The following TAFA2 variants were observed in gnomAD, a reference collection of about 807,000 sequenced individuals.
The protein encoded by TAFA2 is chemokine-like protein TAFA-2.
In TAFA2, 7 loss-of-function variants were observed where a neutral mutation model predicts 18.8. The observed-to-expected ratio is 0.37, with a 90% CI of 0.21 to 0.70. The LOEUF is 0.70. Among genes scored for constraint, TAFA2 ranks in the 30% least tolerant of loss-of-function variants. TAFA2 has a pLI of 0.53. For synonymous variants in TAFA2, 60 were observed against 54.2 expected (o/e 1.11, Z -0.47); for missense variants, 122 against 158.1 (o/e 0.77, Z 1.23).
chr12:61,981,134 A>G lies in TAFA2; in HGVS notation c.-1-113708T>C, dbSNP rs912733498. ...TATATAGATGAATGGAACAGAACAG[A>G]GGCCTCAGAAATAACACCGCACATC... is the stretch of plus-strand genomic sequence containing the variant. On this transcript the variant is annotated intron_variant, in intron 1 of 4. Transcript: ENST00000416284. Among the ~76,000 whole-genome samples the G allele has an allele frequency of 2.0e-5, 3 of 152,210 alleles. No individual in the cohort carries two copies. In the East Asian group the frequency reaches 5.8e-4, roughly 29 times the overall value.
chr12:62,113,540 C>T (rs1869828109), intron 1 of TAFA2, among the ~76,000 whole-genome samples: 1 of 152,180 alleles, frequency 6.6e-6, no homozygotes, highest in Non-Finnish European at 1.5e-5. Flanking sequence ...AGATCCACTG[C>T]TCTTCTGAGC....
At chr12:62,108,054 G>C (rs1484122425) in intron 1 of TAFA2, among the ~76,000 whole-genome samples, 1 of 151,918 alleles carries the variant, frequency 6.6e-6, no homozygotes, top group Admixed American at 6.6e-5. Flanking sequence ...TTCTTACGTA[G>C]GTATACACGT....
intron 1 of TAFA2, among the ~76,000 whole-genome samples, chr12:62,226,518 C>T (rs1425222412): frequency 6.6e-6 from 1 of 152,140 alleles, no homozygotes; most frequent in African/African-American, 2.4e-5. Context: ...TTTAAGCAAT[C>T]TCATTCCACT....
chr12:62,178,361 T>C (rs952829039), intron 1 of TAFA2, among the ~76,000 whole-genome samples: 3 of 152,098 alleles, frequency 2.0e-5, no homozygotes, highest in African/African-American at 7.2e-5. Flanking sequence ...GTCAGGAGTA[T>C]AAAAGGTCAC....
intron 1 of TAFA2, among the ~76,000 whole-genome samples, chr12:62,065,910 A>G (rs1882473937): frequency 6.6e-6 from 1 of 152,006 alleles, no homozygotes; most frequent in Non-Finnish European, 1.5e-5. Context: ...CACTTTATAA[A>G]AAAGCTGGTT....
chr12:61,723,107 A>T (rs2120608772), intron 4 of TAFA2, among the ~76,000 whole-genome samples: 1 of 152,190 alleles, frequency 6.6e-6, no homozygotes. Context: ...TGTTTGTTTT[A>T]GCTTTGCCTA....
intron 1 of TAFA2, among the ~76,000 whole-genome samples, chr12:62,004,895 A>G (rs1050184067): frequency 1.3e-5 from 2 of 152,110 alleles, no homozygotes; most frequent in Non-Finnish European, 2.9e-5. Flanking sequence ...ATGAACCTAG[A>G]GAACATCACG....
chr12:62,217,138 T>C (rs1029606892), intron 1 of TAFA2, among the ~76,000 whole-genome samples: 1 of 152,202 alleles, frequency 6.6e-6, no homozygotes, highest in African/African-American at 2.4e-5. Context: ...AAATACTGCT[T>C]TTACCCACCC....
chr12:61,828,718 T>C (rs1168013100), intron 2 of TAFA2, among the ~76,000 whole-genome samples: 4 of 151,878 alleles, frequency 2.6e-5, no homozygotes, highest in Non-Finnish European at 5.9e-5. Context: ...GACCAATACA[T>C]TTGTTATCAA....
intron 2 of TAFA2, among the ~76,000 whole-genome samples, chr12:61,834,026 T>C (rs756689046): frequency 1.3e-5 from 2 of 152,078 alleles, no homozygotes; most frequent in African/African-American, 4.8e-5. Context: ...CTATACCTCC[T>C]GATCCCATCA....
intron 1 of TAFA2, among the ~76,000 whole-genome samples, chr12:62,121,299 G>C (rs1057014609): frequency 6.6e-6 from 1 of 152,076 alleles, no homozygotes; most frequent in African/African-American, 2.4e-5. Flanking sequence ...TCATCATAAG[G>C]CTTTCAAGTC....
intron 1 of TAFA2, among the ~76,000 whole-genome samples, chr12:62,137,960 G>A (rs113772827): frequency 1.6e-4 from 25 of 152,180 alleles, no homozygotes; most frequent in African/African-American, 6.0e-4. Flanking sequence ...AAATCCTCCT[G>A]TCTAGCCTCA....
intron 1 of TAFA2, among the ~76,000 whole-genome samples, chr12:62,060,732 A>C (rs993310693): frequency 1.3e-5 from 2 of 152,206 alleles, no homozygotes; most frequent in Non-Finnish European, 2.9e-5. Flanking sequence ...GAGGCTGCAG[A>C]CAGTGATACT....
At chr12:62,012,484 A>G (rs1283148491) in intron 1 of TAFA2, among the ~76,000 whole-genome samples, 3 of 151,778 alleles carry the variant, frequency 2.0e-5, no homozygotes, top group African/African-American at 7.3e-5. Flanking sequence ...AAAGGTGCAT[A>G]TGGTCAAGAT....
chr12:61,982,318 T>C (rs1049708106), intron 1 of TAFA2, among the ~76,000 whole-genome samples: 6 of 152,052 alleles, frequency 3.9e-5, no homozygotes, highest in Non-Finnish European at 7.4e-5. Context: ...AGAGATAGCA[T>C]TAGGAGAAAT....
chr12:62,200,100 G>A (rs2062665003), intron 1 of TAFA2, among the ~76,000 whole-genome samples: 3 of 152,072 alleles, frequency 2.0e-5, no homozygotes, highest in African/African-American at 7.2e-5. Context: ...TTTTAATAGG[G>A]TTGTTTGTTT....
chr12:62,052,143 C>A (rs982130361), intron 1 of TAFA2, among the ~76,000 whole-genome samples: 1 of 151,954 alleles, frequency 6.6e-6, no homozygotes. Flanking sequence ...TTACCAATGT[C>A]TCTTCTCATT....
chr12:62,031,483 C>T (rs538954044), intron 1 of TAFA2, among the ~76,000 whole-genome samples: 1 of 152,000 alleles, frequency 6.6e-6, no homozygotes, highest in South Asian at 2.1e-4. Context: ...ATAAACTCCC[C>T]TTTATATATA....
intron 1 of TAFA2, among the ~76,000 whole-genome samples, chr12:62,015,564 G>A (rs1033424446): frequency 3.9e-5 from 6 of 152,254 alleles, no homozygotes; most frequent in African/African-American, 1.4e-4. Flanking sequence ...TCTACAAAGT[G>A]CAAACAATGT....
Sources: allele counts gnomAD v4.1 joint callset (sites outside exome capture counted in the v4.1 genomes callset), GRCh38; gene constraint gnomAD v4.1.1; transcripts MANE v1.5; gene names NCBI Gene and HGNC (gene_info 2026-07-23, HGNC 2026-07-21).